Variants in LMO3 observed in about 807,000 individuals in gnomAD.
LMO3 encodes LIM domain only 3, also known as LIM domain only protein 3.
Under a neutral mutation model 15.8 loss-of-function variants are expected in LMO3, and 2 were observed. The observed-to-expected ratio is 0.13, with a 90% CI of 0.05 to 0.40. The LOEUF (loss-of-function observed/expected upper bound fraction) is 0.40. LMO3 is among the 10% of genes least tolerant of loss of function. The pLI is 0.99. For missense variants in LMO3, 86 were observed against 182.2 expected (o/e 0.47, Z 3.04); for synonymous variants, 62 against 63.8 (o/e 0.97, Z 0.13).
At chr12:16,562,862 T>G (rs1314221197) in intron 2 of LMO3, among the ~76,000 whole-genome samples, 1 of 152,232 alleles carries the variant, frequency 6.6e-6, no homozygotes, top group East Asian at 1.9e-4. Context: ...CTGCTACCAG[T>G]GTACTTTCCA....
chr12:16,561,620 T>C (rs59726665), intron 2 of LMO3, among the ~76,000 whole-genome samples: 1,579 of 152,332 alleles, frequency 0.01, 27 homozygotes, highest in African/African-American at 0.035. Flanking sequence ...AATTTAAGGA[T>C]TAGGCACAAA....
chr12:16,565,397 T>G (rs1942565854), intron 2 of LMO3, among the ~76,000 whole-genome samples: 1 of 152,186 alleles, frequency 6.6e-6, no homozygotes. Context: ...TGATAGAAAA[T>G]GAAAACACTT....
In LMO3 at chr12:16,568,997, A is replaced by G. The variant is rs1386881564; in HGVS notation, c.207-8459T>C. Among the ~76,000 whole-genome samples, 5 of 152,230 alleles carry G rather than the reference A, an allele frequency of 3.3e-5. No homozygotes were observed. In the East Asian group the frequency reaches 9.6e-4, roughly 29 times the overall value. On this transcript the variant is annotated intron_variant, in intron 2 of 3. Transcript: ENST00000537304. ...ATGTATGCTAATAGTGTGAATCATT[A>G]TAGCTCTCTCATAATCTGAAATAGA...
intron 2 of LMO3, among the ~76,000 whole-genome samples, chr12:16,573,035 T>G (rs774127161): frequency 6.6e-6 from 1 of 151,984 alleles, no homozygotes; most frequent in Non-Finnish European, 1.5e-5. Context: ...GTTTTTATTA[T>G]GTGTTTCTCT....
chr12:16,556,921 C>T (rs1942213451), intron 3 of LMO3, among the ~76,000 whole-genome samples: 1 of 151,928 alleles, frequency 6.6e-6, no homozygotes, highest in South Asian at 2.1e-4. Flanking sequence ...ATAAATGAAG[C>T]GAACACAGAA....
intron 2 of LMO3, among the ~76,000 whole-genome samples, chr12:16,565,792 C>CA (rs992330657): frequency 8.6e-5 from 13 of 150,586 alleles, no homozygotes; most frequent in African/African-American, 3.2e-4. Flanking sequence ...GGAGGTTCCT[C>CA]AAAAAAATTA....
rs975879266 is a variant in LMO3 at position 16,576,009 on chromosome 12, C to T, written c.207-15471G>A. Among the ~76,000 whole-genome samples, 3 of 152,126 alleles carry T rather than the reference C, an allele frequency of 2.0e-5. No individual in the cohort carries two copies. The highest frequency in any genetic ancestry group is 7.2e-5 in the African/African-American group (3 of 41,412). On this transcript the variant is annotated intron_variant, in intron 2 of 3. Transcript: ENST00000537304. The surrounding 1 kb of genome is among the most constrained non-coding windows in gnomAD (Gnocchi z 4.1). Reference sequence around the variant, plus strand: ...GAATTTGCCTCCTCTTCTCAGACCCCCAAATCTAGCCCTGCCGCTGTGTTA... The same window carrying T: ...GAATTTGCCTCCTCTTCTCAGACCCTCAAATCTAGCCCTGCCGCTGTGTTA...
chr12:16,603,889 A>G lies in LMO3; in HGVS notation c.-9+2177T>C, dbSNP rs1555126857. Among the ~76,000 whole-genome samples, 1 of 152,184 alleles carries G rather than the reference A, an allele frequency of 6.6e-6. No individual in the cohort carries two copies. The highest frequency in any genetic ancestry group is 1.5e-5 in the Non-Finnish European group (1 of 68,024). ...TTGCAGCACTTAGACACAGTCTTAC[A>G]TTTTTGGACTAACTACACAGAGTGA... On this transcript the variant is annotated intron_variant, in intron 1 of 3. Coordinates refer to ENST00000537304, the MANE Select transcript of LMO3 (RefSeq NM_018640.5). The surrounding 1 kb of genome is among the most constrained non-coding windows in gnomAD (Gnocchi z 4.9).
intron 1 of LMO3, chr12:16,605,142 G>C (rs1217801595): frequency 5.7e-6 from 8 of 1,398,726 alleles, no homozygotes; most frequent in East Asian, 2.6e-5. Context: ...CAAAATGATG[G>C]CGAATGACAA....
chr12:16,566,359 A>C (rs1377436120), intron 2 of LMO3, among the ~76,000 whole-genome samples: 2 of 151,982 alleles, frequency 1.3e-5, no homozygotes, highest in Non-Finnish European at 2.9e-5. Context: ...TATGGGCAAC[A>C]GTAAATTACT....
chr12:16,573,925 C>G (rs577678788), intron 2 of LMO3: 1 of 152,222 alleles, frequency 6.6e-6, no homozygotes, highest in African/African-American at 2.4e-5. Flanking sequence ...TAGGCCCTCA[C>G]TCTATCTACA....
In LMO3 at chr12:16,597,408, A is replaced by G. The variant is rs1272677767; in HGVS notation, c.206+3247T>C. Among the ~76,000 whole-genome samples, 1 of 151,814 alleles carries G rather than the reference A, an allele frequency of 6.6e-6. No individual in the cohort carries two copies. The highest frequency in any genetic ancestry group is 2.4e-5 in the African/African-American group (1 of 41,416). On this transcript the variant is annotated intron_variant, in intron 2 of 3. Coordinates refer to ENST00000537304, the MANE Select transcript of LMO3 (RefSeq NM_018640.5). The surrounding 1 kb of genome is among the most constrained non-coding windows in gnomAD (Gnocchi z 5.0). ...TCTCAAATCATCATTCAAAGAACTT[A>G]TAAATCACATCATCATTATCACTAC...
chr12:16,565,470 G>C (rs1942568540), intron 2 of LMO3, among the ~76,000 whole-genome samples: 1 of 152,120 alleles, frequency 6.6e-6, no homozygotes, highest in Non-Finnish European at 1.5e-5. Flanking sequence ...GTAGAGAGTT[G>C]AGTCTATTGT....
intron 2 of LMO3, among the ~76,000 whole-genome samples, chr12:16,579,920 A>C (rs913909977): frequency 1.3e-5 from 2 of 152,208 alleles, no homozygotes; most frequent in African/African-American, 4.8e-5. Context: ...CCAACAGAGA[A>C]CCAGGTATCT....
In LMO3 at chr12:16,549,089, T is replaced by C. The variant is rs1941892035; in HGVS notation, c.*2133A>G. On this transcript the variant is annotated 3_prime_UTR_variant, in exon 4 of 4. Coordinates refer to ENST00000537304, the MANE Select transcript of LMO3 (RefSeq NM_018640.5). ...CATCTGAATAAGATCCTGACAATTA[T>C]AATTTTACATCCATGTGAATTTCAA... 1 of 152,132 alleles carries C rather than the reference T, an allele frequency of 6.6e-6. No individual in the cohort carries two copies. The highest frequency in any genetic ancestry group is 2.4e-5 in the African/African-American group (1 of 41,444). 9.4% of individuals were successfully genotyped at this position (152,132 alleles called of 1,614,324 possible).
At chr12:16,562,285 G>C (rs1275929951) in intron 2 of LMO3, among the ~76,000 whole-genome samples, 2 of 151,978 alleles carry the variant, frequency 1.3e-5, no homozygotes, top group African/African-American at 2.4e-5. Flanking sequence ...ATGTGCCATT[G>C]TTTCTTCTGT....
intron 2 of LMO3, chr12:16,594,321 A>G (rs901385539): frequency 2.8e-6 from 4 of 1,404,642 alleles, no homozygotes; most frequent in South Asian, 1.6e-5. Flanking sequence ...ACCAATTTTT[A>G]TAAGCCAATT....
In LMO3 at chr12:16,584,588, G is replaced by C. The variant is rs537273418; in HGVS notation, c.206+16067C>G. Among the ~76,000 whole-genome samples, 164 of 152,264 alleles carry C rather than the reference G, an allele frequency of 1.1e-3. No homozygotes were observed. Among genetic ancestry groups the C allele is most frequent in the African/African-American group, 3.1e-3 (127 of 41,552 alleles). On this transcript the variant is annotated intron_variant, in intron 2 of 3. Coordinates refer to ENST00000537304, the MANE Select transcript of LMO3 (RefSeq NM_018640.5). The surrounding 1 kb of genome is among the most constrained non-coding windows in gnomAD (Gnocchi z 5.2). ...TTAACATTGGCAAGTGGAGGAGTGG[G>C]GGGGGTAAGAGGCCTGTTTAGAGGT...
rs1942317214 is a variant in LMO3 at position 16,559,688 on chromosome 12, T to C, written c.332+725A>G. ...TAGATTGGGTGGGGGTGGTGGCTCATGCCTATAATCCCTGCACTTTGGGAG... is the reference window on the plus strand; with the variant it reads ...TAGATTGGGTGGGGGTGGTGGCTCACGCCTATAATCCCTGCACTTTGGGAG... On this transcript the variant is annotated intron_variant, in intron 3 of 3. Coordinates refer to ENST00000537304, the MANE Select transcript of LMO3 (RefSeq NM_018640.5). This position sits in a 1 kb window ranked among gnomAD's most constrained non-coding sequence, Gnocchi z 4.1. Among the ~76,000 whole-genome samples the C allele has an allele frequency of 6.6e-6, 1 of 152,004 alleles. No homozygotes were observed. The highest frequency in any genetic ancestry group is 1.5e-5 in the Non-Finnish European group (1 of 68,002).
Sources: allele counts gnomAD v4.1 joint callset (sites outside exome capture counted in the v4.1 genomes callset), GRCh38; gene constraint gnomAD v4.1.1; non-coding constraint Gnocchi (gnomAD v3.1); transcripts MANE v1.5; gene names NCBI Gene and HGNC (gene_info 2026-07-23, HGNC 2026-07-21).